The following DYNC2H1 variants were observed in gnomAD, a reference collection of about 807,000 sequenced individuals.
DYNC2H1 encodes cytoplasmic dynein 2 heavy chain 1.
A neutral mutation model predicts 570.0 loss-of-function variants in DYNC2H1; 410 were observed. The observed-to-expected ratio is 0.72, with a 90% CI of 0.66 to 0.78. The LOEUF (loss-of-function observed/expected upper bound fraction) is 0.78, where lower values mean the gene tolerates loss of function less well. Among genes scored for constraint, DYNC2H1 ranks in the 30% least tolerant of loss-of-function variants. DYNC2H1 has a pLI of 0.00. For synonymous variants in DYNC2H1, 1,688 were observed against 1,677.6 expected (o/e 1.01, Z -0.15); for missense variants, 4,865 against 5,046.4 (o/e 0.96, Z 1.09).
At chr11:103,302,910 C>T (rs1867107488) in intron 75 of DYNC2H1, among the ~76,000 whole-genome samples, 183 bp from the exon 76 acceptor site, 1 of 151,822 alleles carries the variant, frequency 6.6e-6, no homozygotes, top group Admixed American at 6.6e-5. Context: ...ATGCCCGGCA[C>T]CTTAAGCATA....
chr11:103,148,368 T>C (rs1424433527), intron 19 of DYNC2H1, 122 bp from the exon 20 acceptor site: 6 of 1,023,152 alleles, frequency 5.9e-6, no homozygotes, highest in Admixed American at 7.1e-5. Context: ...CAAATGATAA[T>C]TTAGAACTTA....
intron 84 of DYNC2H1, among the ~76,000 whole-genome samples, chr11:103,414,780 C>T (rs1276313618): frequency 1.3e-5 from 2 of 152,126 alleles, no homozygotes; most frequent in African/African-American, 4.8e-5. Context: ...CTCCCATTCA[C>T]AATTGCTGCA....
In DYNC2H1 at chr11:103,277,329, C is replaced by T. The variant is rs921149100; in HGVS notation, c.10696-3019C>T. The stretch of plus-strand genomic sequence containing the variant: ...TTATTTTAATGTGGGTAATTTCCTT[C>T]GGTTTTTCTTTCATTTTACTTATAT... On this transcript the variant is annotated intron_variant, in intron 70 of 88. Transcript: ENST00000375735. The surrounding 1 kb of genome is among the most constrained non-coding windows in gnomAD (Gnocchi z 4.3). Among the ~76,000 whole-genome samples the T allele has an allele frequency of 3.3e-5, 5 of 151,826 alleles. No individual in the cohort carries two copies. The highest frequency in any genetic ancestry group is 9.7e-5 in the African/African-American group (4 of 41,338).
intron 82 of DYNC2H1, among the ~76,000 whole-genome samples, chr11:103,328,921 G>A (rs1047378533): frequency 5.3e-5 from 8 of 152,130 alleles, no homozygotes; most frequent in African/African-American, 1.4e-4. Context: ...TGGTGAGGAG[G>A]GGGAGAGATA....
At chr11:103,303,516 G>A (rs184205717) in intron 76 of DYNC2H1, among the ~76,000 whole-genome samples, 1 of 152,188 alleles carries the variant, frequency 6.6e-6, no homozygotes, top group East Asian at 1.9e-4. Context: ...TTTTATAAGA[G>A]GGAGGCAGGT....
In DYNC2H1 at chr11:103,133,375, G is replaced by A. The variant is rs569342572; in HGVS notation, c.1954-180G>A. 7.2e-5 allele frequency among the ~76,000 whole-genome samples: 11 copies of A among 152,264 alleles called. No homozygotes were observed. The highest frequency in any genetic ancestry group is 5.9e-4 in the Admixed American group (9 of 15,300). ...TTTTAGTTGTAAAAGGGAGAAGCTG[G>A]AAGAAATGGGCTACTCAATCTTTGC... On this transcript the variant is annotated intron_variant, in intron 13 of 88. Transcript: ENST00000375735. This position sits in a 1 kb window ranked among gnomAD's most constrained non-coding sequence, Gnocchi z 4.8.
chr11:103,313,597 A>G (rs1867693174), intron 79 of DYNC2H1, among the ~76,000 whole-genome samples: 1 of 152,188 alleles, frequency 6.6e-6, no homozygotes, highest in African/African-American at 2.4e-5. Context: ...CTTGCATTTG[A>G]GTCCTGACTT....
In DYNC2H1 at chr11:103,181,932, G is replaced by A. The variant is rs1251480627; in HGVS notation, c.6477+46G>A. ...CATAATTAATCGAGGTGAGAAGTAT[G>A]ATTAAGAGTGATGCTTATTTTAACT... On this transcript the variant is annotated intron_variant, in intron 40 of 88. Coordinates refer to ENST00000375735, the MANE Select transcript of DYNC2H1 (RefSeq NM_001377.3). This position sits in a 1 kb window ranked among gnomAD's most constrained non-coding sequence, Gnocchi z 5.0. The A allele has an allele frequency of 6.4e-7, 1 of 1,563,054 alleles. No individual in the cohort carries two copies. The highest frequency in any genetic ancestry group is 1.8e-5 in the Admixed American group (1 of 54,586).
chr11:103,120,959 T>C lies in DYNC2H1; in HGVS notation c.1283T>C (p.Val428Ala). The C allele has an allele frequency of 6.4e-7, 1 of 1,566,082 alleles. No homozygotes were observed. Among genetic ancestry groups the C allele is most frequent in the South Asian group, 1.3e-5 (1 of 79,720 alleles). Residue 428 changes from valine (V) to alanine (A), a missense_variant, in exon 9 of 89, where the codon GTA becomes GCA. By Grantham distance (64) the Val-to-Ala change is moderately conservative (BLOSUM62 0). Coordinates refer to ENST00000375735, the MANE Select transcript of DYNC2H1 (RefSeq NM_001377.3). ...LQAFLKYKEL[V>A]KRPTISKELM... ...GCATTCCTGAAATATAAAGAGTTGG[T>C]AAAGCGTCCAACTATAAGCAAAGAA...
At chr11:103,409,417 G>C (rs1242800136) in intron 84 of DYNC2H1, among the ~76,000 whole-genome samples, 1 of 151,656 alleles carries the variant, frequency 6.6e-6, no homozygotes, top group Non-Finnish European at 1.5e-5. Context: ...ATTTAAAATA[G>C]ATGTTGAGCT....
At chr11:103,344,273 A>G (rs1160051179) in intron 82 of DYNC2H1, among the ~76,000 whole-genome samples, 1 of 152,210 alleles carries the variant, frequency 6.6e-6, no homozygotes, top group Non-Finnish European at 1.5e-5. Flanking sequence ...CTATCCATGA[A>G]ACAAAATATT....
chr11:103,195,253 C>T (rs1862473165), intron 47 of DYNC2H1, among the ~76,000 whole-genome samples: 1 of 152,060 alleles, frequency 6.6e-6, no homozygotes, highest in African/African-American at 2.4e-5. Flanking sequence ...GTTGTAGATC[C>T]TGAAGATTTT....
chr11:103,328,075 CA>C (rs1191333678), intron 82 of DYNC2H1, among the ~76,000 whole-genome samples: 11 of 152,158 alleles, frequency 7.2e-5, no homozygotes, highest in African/African-American at 2.7e-4. Flanking sequence ...TCGAATATAG[CA>C]AAAAATTATC....
chr11:103,123,161 G>C (rs551920643), intron 11 of DYNC2H1, among the ~76,000 whole-genome samples, 161 bp downstream of exon 11: 3 of 151,866 alleles, frequency 2.0e-5, no homozygotes, highest in Non-Finnish European at 2.9e-5. Flanking sequence ...ATTCATTAAG[G>C]CTGGAAACTT....
intron 28 of DYNC2H1, 75 bp downstream of exon 28, chr11:103,159,102 G>A: frequency 8.7e-7 from 1 of 1,155,300 alleles, no homozygotes; most frequent in South Asian, 1.4e-5. Flanking sequence ...ATGCTCTTAG[G>A]TAGACTACTG....
chr11:103,352,235 G>A (rs1423095910), intron 82 of DYNC2H1, among the ~76,000 whole-genome samples: 2 of 151,810 alleles, frequency 1.3e-5, no homozygotes, highest in African/African-American at 4.8e-5. Context: ...GATCTCTTTT[G>A]TATCTGTTTT....
At chr11:103,378,082 C>T (rs1400182186) in intron 83 of DYNC2H1, among the ~76,000 whole-genome samples, 1 of 151,806 alleles carries the variant, frequency 6.6e-6, no homozygotes, top group Admixed American at 6.6e-5. Context: ...CACATGCAGT[C>T]CAAAAAGTTA....
In DYNC2H1 at chr11:103,115,258, C is replaced by T. The variant is rs201567316; in HGVS notation, c.584C>T (p.Ala195Val). The T allele has an allele frequency of 9.2e-5, 147 of 1,602,610 alleles. No individual in the cohort carries two copies. In the East Asian group the frequency reaches 2.5e-3, roughly 27 times the overall value. ...RGNKQISKER[A>V]NYFKELFETI... ...AATAAACAGATTAGTAAAGAAAGAG[C>T]CAATTATTTTAAAGAATTATTTGAA... is the stretch of plus-strand genomic sequence containing the variant. Residue 195 changes from alanine to valine, a missense_variant, in exon 4 of 89, where the codon GCC becomes GTC. Physicochemically the swap from Ala to Val is moderately conservative, Grantham distance 64. This residue lies in a region of DYNC2H1 where 1,936 missense variants were observed against 1,962.1 expected (regional missense o/e 0.99). Coordinates refer to ENST00000375735, the MANE Select transcript of DYNC2H1 (RefSeq NM_001377.3).
At chr11:103,356,163 A>T (rs1445951747) in intron 82 of DYNC2H1, among the ~76,000 whole-genome samples, 1 of 152,192 alleles carries the variant, frequency 6.6e-6, no homozygotes, top group Non-Finnish European at 1.5e-5. Flanking sequence ...TTCTGAAAAA[A>T]TTATATTTAA....
Sources: gnomAD v4.1 joint callset for allele counts (sites outside exome capture counted in the v4.1 genomes callset) on GRCh38, gnomAD v4.1.1 for gene constraint, gnomAD v4.1.1 regional missense constraint, Gnocchi (gnomAD v3.1) non-coding constraint, MANE v1.5 for transcripts, NCBI Gene and HGNC (gene_info 2026-07-23, HGNC 2026-07-21) for gene names.